Variants in ADGRL2 observed in about 807,000 individuals in gnomAD.
ADGRL2 encodes adhesion G protein-coupled receptor L2, also known as calcium-independent alpha-latrotoxin receptor 2.
ADGRL2 carries 44 observed loss-of-function variants against 157.4 expected under a neutral mutation model. The ratio of observed to expected loss-of-function variants is 0.28; its 90% CI spans 0.22 to 0.36. The LOEUF (loss-of-function observed/expected upper bound fraction) is 0.36, where lower values mean the gene tolerates loss of function less well. ADGRL2 is among the 10% of genes least tolerant of loss of function. ADGRL2 has a pLI of 1.00. For synonymous variants in ADGRL2, 585 were observed against 624.7 expected, an observed-to-expected ratio of 0.94 and a Z score of 0.95; for missense variants, 1,510 against 1,768.9, an observed-to-expected ratio of 0.85 and a Z score of 2.63.
intron 1 of ADGRL2, among the ~76,000 whole-genome samples, chr1:81,802,613 C>G (rs1381884262): frequency 6.6e-6 from 1 of 152,096 alleles, no homozygotes; most frequent in Non-Finnish European, 1.5e-5. Flanking sequence ...TTCCGCCCGT[C>G]CTTTCACTGG....
chr1:81,521,383 G>A (rs1006921666), intron 2 of ADGRL2, among the ~76,000 whole-genome samples: 1 of 152,030 alleles, frequency 6.6e-6, no homozygotes, highest in African/African-American at 2.4e-5. Flanking sequence ...ATATATACAG[G>A]TAAAATTATG....
intron 3 of ADGRL2, among the ~76,000 whole-genome samples, chr1:81,683,959 GGC>G (rs2083175894): frequency 1.3e-5 from 2 of 152,058 alleles, no homozygotes; most frequent in Admixed American, 6.5e-5. Flanking sequence ...TTGGATTACA[GGC>G]GCACGCCACC....
At chr1:81,781,916 A>G (rs745497952) in intron 2 of ADGRL2, among the ~76,000 whole-genome samples, 1 of 152,220 alleles carries the variant, frequency 6.6e-6, no homozygotes, top group Non-Finnish European at 1.5e-5. Context: ...TCCCACTTGT[A>G]GAACCAAATT....
chr1:81,476,903 G>A (rs547594099), intron 2 of ADGRL2, among the ~76,000 whole-genome samples: 1 of 152,052 alleles, frequency 6.6e-6, no homozygotes. Context: ...CGATTAAACT[G>A]TATTTTTAAA....
intron 1 of ADGRL2, among the ~76,000 whole-genome samples, chr1:81,349,102 G>A (rs1313352447): frequency 6.6e-6 from 1 of 152,088 alleles, no homozygotes; most frequent in Non-Finnish European, 1.5e-5. Context: ...ACTATTGATT[G>A]TTTTGGATGG....
intron 1 of ADGRL2, among the ~76,000 whole-genome samples, chr1:81,309,305 T>C (rs1659568676): frequency 6.6e-6 from 1 of 152,176 alleles, no homozygotes; most frequent in Non-Finnish European, 1.5e-5. Context: ...TTTTGCTTTA[T>C]AGGTAATAAC....
At chr1:81,529,312 C>A (rs902628623) in intron 2 of ADGRL2, among the ~76,000 whole-genome samples, 1 of 152,154 alleles carries the variant, frequency 6.6e-6, no homozygotes, top group African/African-American at 2.4e-5. Flanking sequence ...AAGTAAGAAT[C>A]CAGAGCATTT....
chr1:81,309,389 G>C (rs773622148), intron 1 of ADGRL2, among the ~76,000 whole-genome samples: 5 of 152,128 alleles, frequency 3.3e-5, no homozygotes, highest in Non-Finnish European at 5.9e-5. Flanking sequence ...GAGGTACAGA[G>C]AGGTTTAAGT....
At chr1:81,559,086 T>C (rs552928254) in intron 2 of ADGRL2, among the ~76,000 whole-genome samples, 1 of 152,256 alleles carries the variant, frequency 6.6e-6, no homozygotes, top group Non-Finnish European at 1.5e-5. Context: ...GAGACTTAGA[T>C]TTGGTCATCT....
chr1:81,650,055 TAAA>T (rs56088299), intron 3 of ADGRL2, among the ~76,000 whole-genome samples: 1 of 143,384 alleles, frequency 7.0e-6, no homozygotes. Flanking sequence ...CACCTATTCT[TAAA>T]AAAAAAAAAA....
intron 3 of ADGRL2, among the ~76,000 whole-genome samples, chr1:81,600,900 C>G (rs185702314): frequency 1.3e-5 from 2 of 152,148 alleles, no homozygotes; most frequent in Admixed American, 6.5e-5. Context: ...TCTGGAAAGG[C>G]TTGGATCTAT....
intron 3 of ADGRL2, among the ~76,000 whole-genome samples, chr1:81,639,059 T>G (rs2148793435): frequency 6.6e-6 from 1 of 152,292 alleles, no homozygotes; most frequent in Non-Finnish European, 1.5e-5. Context: ...GTAAGAAAGT[T>G]ACTTCTTTTA....
At chr1:81,438,901 T>C (rs1412028757) in intron 1 of ADGRL2, among the ~76,000 whole-genome samples, 1 of 152,174 alleles carries the variant, frequency 6.6e-6, no homozygotes, top group African/African-American at 2.4e-5. Flanking sequence ...ATCCCCCAAG[T>C]TCCAGCTGCC....
At chr1:81,492,535 C>T (rs1319786901) in intron 2 of ADGRL2, among the ~76,000 whole-genome samples, 3 of 152,074 alleles carry the variant, frequency 2.0e-5, no homozygotes, top group Non-Finnish European at 4.4e-5. Flanking sequence ...AAAAAGTATG[C>T]ATAAATTAGA....
intron 3 of ADGRL2, among the ~76,000 whole-genome samples, chr1:81,622,541 A>G (rs2081818710): frequency 6.6e-6 from 1 of 152,230 alleles, no homozygotes; most frequent in East Asian, 1.9e-4. Flanking sequence ...AGATCGTGCC[A>G]CTGCACTCCA....
chr1:81,977,384 G>T (rs1333012132), intron 17 of ADGRL2, among the ~76,000 whole-genome samples: 2 of 151,812 alleles, frequency 1.3e-5, no homozygotes, highest in African/African-American at 4.8e-5. Flanking sequence ...ATTGAGATAA[G>T]TTTTCTATGG....
chr1:81,497,945 G>A (rs183182847), intron 2 of ADGRL2, among the ~76,000 whole-genome samples: 1 of 152,294 alleles, frequency 6.6e-6, no homozygotes, highest in Admixed American at 6.5e-5. Flanking sequence ...AGTGGCTCAT[G>A]CCTGTAATCC....
intron 2 of ADGRL2, among the ~76,000 whole-genome samples, chr1:81,550,013 C>T (rs1313316628): frequency 1.3e-5 from 2 of 152,156 alleles, no homozygotes; most frequent in African/African-American, 2.4e-5. Context: ...TACCTAATAA[C>T]TTCAGGATTT....
chr1:81,893,192 T>C (rs1428422760), intron 2 of ADGRL2, among the ~76,000 whole-genome samples: 2 of 152,230 alleles, frequency 1.3e-5, no homozygotes, highest in Non-Finnish European at 2.9e-5. Context: ...TTAGTCATGA[T>C]GCTGCACAGA....
Sources: gnomAD v4.1 joint callset for allele counts (sites outside exome capture counted in the v4.1 genomes callset) on GRCh38, gnomAD v4.1.1 for gene constraint, MANE v1.5 for transcripts, NCBI Gene and HGNC (gene_info 2026-07-23, HGNC 2026-07-21) for gene names.